The following C16orf95 variants were observed in gnomAD, a reference collection of about 807,000 sequenced individuals.
The protein encoded by C16orf95 is uncharacterized protein C16orf95.
In C16orf95, 41 loss-of-function variants were observed where a neutral mutation model predicts 32.1. That is an observed-to-expected ratio of 1.28 (90% CI 1.00 to 1.66). The LOEUF (loss-of-function observed/expected upper bound fraction) is 1.66, where lower values mean the gene tolerates loss of function less well. Ranked by LOEUF, C16orf95 falls within the 40% of genes most tolerant of loss-of-function variation. The pLI, the probability that C16orf95 is intolerant of heterozygous loss-of-function variation, is 0.00. For missense variants in C16orf95, 399 were observed against 325.9 expected (o/e 1.22, Z -1.73); for synonymous variants, 147 against 128.9 (o/e 1.14, Z -0.95).
chr16:87,306,103 G>A (rs893158297), intron 5 of C16orf95, 198 bp from the exon 6 acceptor site: 5 of 427,880 alleles, frequency 1.2e-5, no homozygotes, highest in South Asian at 6.7e-5. Context: ...CCTGGGTAAC[G>A]GCAGCCTTGG....
In C16orf95 at chr16:87,302,973, C is replaced by T. The variant is rs1452136426; in HGVS notation, c.*84G>A. 3.9e-5 allele frequency: 53 copies of T among 1,359,628 alleles called. No homozygotes were observed. Among genetic ancestry groups the T allele is most frequent in the Admixed American group, 7.9e-5 (4 of 50,766 alleles). 84.2% of individuals were successfully genotyped at this position (1,359,628 alleles called of 1,614,324 possible). On this transcript the variant is annotated 3_prime_UTR_variant, in exon 7 of 7. Coordinates refer to ENST00000567970, the MANE Select transcript of C16orf95 (RefSeq NM_001195124.3). The stretch of plus-strand genomic sequence containing the variant: ...CTGAGAAGACAGCGACTGTCACAGA[C>T]GCCTCCTGATTGGTGGACTCTCAAA...
At chr16:87,309,372 CTTTTTTTT>C (rs10551847) in intron 5 of C16orf95, among the ~76,000 whole-genome samples, 5 of 86,036 alleles carry the variant, frequency 5.8e-5, no homozygotes, top group African/African-American at 3.0e-4. Flanking sequence ...TCTTTCTTTT[CTTTTTTTT>C]TTTTTTTTTT....
Position 87,303,034 on chromosome 16 carries a change from G to A in C16orf95, c.*23C>T, listed in dbSNP as rs563006892. 7.8e-6 allele frequency: 12 copies of A among 1,535,728 alleles called. No individual in the cohort carries two copies. Among genetic ancestry groups the A allele is most frequent in the Non-Finnish European group, 1.0e-5 (12 of 1,146,684 alleles). ...GTGACACATTTTTGTGGCTGTTCTT[G>A]ACAGTAGCTGAAGATTCCAACTTCA... On this transcript the variant is annotated 3_prime_UTR_variant, in exon 7 of 7. Coordinates refer to ENST00000567970, the MANE Select transcript of C16orf95 (RefSeq NM_001195124.3).
Position 87,305,957 on chromosome 16 carries a change from T to A in C16orf95, c.515-52A>T, listed in dbSNP as rs1404851455. The A allele has an allele frequency of 7.5e-7, 1 of 1,331,538 alleles. No homozygotes were observed. The highest frequency in any genetic ancestry group is 9.7e-7 in the Non-Finnish European group (1 of 1,034,292). 82.5% of individuals were successfully genotyped at this position (1,331,538 alleles called of 1,614,324 possible). On this transcript the variant is annotated intron_variant, in intron 5 of 6. Transcript: ENST00000567970. This position sits in a 1 kb window ranked among gnomAD's most constrained non-coding sequence, Gnocchi z 4.2. ...ACAGGGCGTGTTCTCCGGGACTCTGTGAGCCACGAGGAGGCTGCAACACCA... is the reference window on the plus strand; with the variant it reads ...ACAGGGCGTGTTCTCCGGGACTCTGAGAGCCACGAGGAGGCTGCAACACCA...
At chr16:87,315,512 A>T (rs1036910412) in intron 2 of C16orf95, among the ~76,000 whole-genome samples, 7 of 152,192 alleles carry the variant, frequency 4.6e-5, no homozygotes, top group Non-Finnish European at 1.0e-4. Context: ...GGCAGGAAGG[A>T]GAGGTGCTGC....
chr16:87,312,366 T>G (rs1911320494), intron 3 of C16orf95, among the ~76,000 whole-genome samples: 1 of 152,058 alleles, frequency 6.6e-6, no homozygotes, highest in African/African-American at 2.4e-5. Context: ...ATCAGGTGTT[T>G]GAGACCAGAC....
chr16:87,314,677 T>C (rs766671620), intron 3 of C16orf95, among the ~76,000 whole-genome samples: 1 of 152,136 alleles, frequency 6.6e-6, no homozygotes, highest in Non-Finnish European at 1.5e-5. Context: ...CAATCAAACC[T>C]CTAGAAGTCT....
At chr16:87,313,810 T>C (rs1911389123) in intron 3 of C16orf95, among the ~76,000 whole-genome samples, 1 of 152,126 alleles carries the variant, frequency 6.6e-6, no homozygotes, top group African/African-American at 2.4e-5. Flanking sequence ...AGAATTTGTA[T>C]CTAGAATATA....
chr16:87,314,954 T>G lies in C16orf95; in HGVS notation c.330+17A>C, dbSNP rs112559513. On this transcript the variant is annotated intron_variant, in intron 3 of 6. Transcript: ENST00000567970. The stretch of plus-strand genomic sequence containing the variant: ...CCCTGGACCCTAGGGGAAGACCTCC[T>G]GGTTCAAGTCACCTACCTGCTTTCG... The G allele has an allele frequency of 3.0e-5, 46 of 1,535,080 alleles. No homozygotes were observed. The African/African-American group carries it at 3.6e-4, about 12-fold the overall frequency.
At chr16:87,310,207 A>C in intron 5 of C16orf95, 90 bp downstream of exon 5, 1 of 1,299,042 alleles carries the variant, frequency 7.7e-7, no homozygotes, top group South Asian at 1.3e-5. Flanking sequence ...GTGTCTGGTG[A>C]TGAGAGGTCT....
In C16orf95 at chr16:87,317,285, C is replaced by T. The variant is rs1471398093; in HGVS notation, c.-43G>A. 6.8e-7 allele frequency: 1 copy of T among 1,471,900 alleles called. No individual in the cohort carries two copies. The highest frequency in any genetic ancestry group is 2.7e-5 in the East Asian group (1 of 37,426). 91.2% of individuals were successfully genotyped at this position (1,471,900 alleles called of 1,614,324 possible). On this transcript the variant is annotated 5_prime_UTR_variant, in exon 1 of 7. Coordinates refer to ENST00000567970, the MANE Select transcript of C16orf95 (RefSeq NM_001195124.3). ...ACGCGCCCTTTCACACACACATCGT[C>T]CGCAGGCCCTGACGCCCTGGCTCCC...
rs1377904887 is a variant in C16orf95, at chr16:87,305,676, C to G, written c.701+43G>C. ...CAAGCCTCCCTCAGGTGGACGTCAC[C>G]ATGCCAGGGCCACCCACTGTCCCCC... On this transcript the variant is annotated intron_variant, in intron 6 of 6. Transcript: ENST00000567970. This position sits in a 1 kb window ranked among gnomAD's most constrained non-coding sequence, Gnocchi z 4.2. 3.5e-6 allele frequency: 5 copies of G among 1,448,278 alleles called. No individual in the cohort carries two copies. Among genetic ancestry groups the G allele is most frequent in the Non-Finnish European group, 4.5e-6 (5 of 1,102,526 alleles). The allele number at this position is 1,448,278 out of a possible 1,614,324, so 89.7% of individuals were successfully genotyped here.
intron 1 of C16orf95, among the ~76,000 whole-genome samples, chr16:87,316,613 T>C (rs904534707): frequency 1.3e-5 from 2 of 151,950 alleles, no homozygotes; most frequent in Admixed American, 1.3e-4. Context: ...CGAGGCCCCT[T>C]CTGGTAATGA....
rs1275054103 is a variant in C16orf95 at position 87,305,545 on chromosome 16, G to C, written c.701+174C>G. On this transcript the variant is annotated intron_variant, in intron 6 of 6. Transcript: ENST00000567970. This position sits in a 1 kb window ranked among gnomAD's most constrained non-coding sequence, Gnocchi z 4.2. ...TGGCATCTCTAGGTGACGCGGGGCA[G>C]AGCCTGCGCTGTGCAGAGCACCACA... Among the ~76,000 whole-genome samples the C allele has an allele frequency of 7.4e-6, 1 of 134,670 alleles. No homozygotes were observed. Among genetic ancestry groups the C allele is most frequent in the Non-Finnish European group, 1.6e-5 (1 of 62,384 alleles). The allele number at this position is 134,670 out of a possible 152,430, so 88.3% of individuals were successfully genotyped here. A position where few individuals can be genotyped will look rare whatever the true frequency, so the allele number is the denominator to read the frequency against.
intron 1 of C16orf95, 121 bp downstream of exon 1, chr16:87,316,970 T>C (rs1904366472): frequency 5.1e-6 from 7 of 1,370,424 alleles, no homozygotes; most frequent in South Asian, 4.9e-5. Flanking sequence ...CCAATGTAAG[T>C]GAGGTTCCTG....
chr16:87,316,309 G>C (rs1167425189), intron 1 of C16orf95, among the ~76,000 whole-genome samples: 1 of 152,134 alleles, frequency 6.6e-6, no homozygotes, highest in Non-Finnish European at 1.5e-5. Context: ...GGATGACAAA[G>C]CACTTGGGGT....
intron 3 of C16orf95, among the ~76,000 whole-genome samples, chr16:87,311,930 A>T (rs1193460038): frequency 6.6e-6 from 1 of 152,240 alleles, no homozygotes; most frequent in Non-Finnish European, 1.5e-5. Flanking sequence ...ATAATGGAAC[A>T]GAGCTGTCCG....
intron 2 of C16orf95, among the ~76,000 whole-genome samples, chr16:87,315,488 T>G (rs930650508): frequency 1.1e-4 from 16 of 152,188 alleles, no homozygotes; most frequent in African/African-American, 3.4e-4. Context: ...CATGTGACCT[T>G]CGCAACACCC....
chr16:87,305,630 T>TCCACATCCCTGATGGCCACCAAGCC lies in C16orf95; in HGVS notation c.701+88_701+89insGGCTTGGTGGCCATCAGGGATGTGG. ...TCAAGTTAAGCCCCACCCCCCACTCTTCCACATCCCTGATGGCCACCAAGC... is the reference window on the plus strand; with the variant it reads ...TCAAGTTAAGCCCCACCCCCCACTCTCCACATCCCTGATGGCCACCAAGCCTCCACATCCCTGATGGCCACCAAGC... On this transcript the variant is annotated intron_variant, in intron 6 of 6. Coordinates refer to ENST00000567970, the MANE Select transcript of C16orf95 (RefSeq NM_001195124.3). The surrounding 1 kb of genome is among the most constrained non-coding windows in gnomAD (Gnocchi z 4.2). 8.0e-7 allele frequency: 1 copy of TCCACATCCCTGATGGCCACCAAGCC among 1,243,360 alleles called. No homozygotes were observed. Among genetic ancestry groups the TCCACATCCCTGATGGCCACCAAGCC allele is most frequent in the Non-Finnish European group, 1.1e-6 (1 of 930,232 alleles). 77.0% of individuals were successfully genotyped at this position (1,243,360 alleles called of 1,614,324 possible).
Sources: allele counts gnomAD v4.1 joint callset (sites outside exome capture counted in the v4.1 genomes callset), GRCh38; gene constraint gnomAD v4.1.1; non-coding constraint Gnocchi (gnomAD v3.1); transcripts MANE v1.5; gene names NCBI Gene and HGNC (gene_info 2026-07-23, HGNC 2026-07-21).